AGBL1: variants seen among roughly 807,000 people sequenced by gnomAD.
AGBL1 encodes AGBL carboxypeptidase 1, also known as cytosolic carboxypeptidase 4.
Under a neutral mutation model 118.9 loss-of-function variants are expected in AGBL1, and 130 were observed. The observed-to-expected ratio is 1.09, with a 90% CI of 0.95 to 1.26. The LOEUF (loss-of-function observed/expected upper bound fraction) is 1.26. AGBL1 is among the 50% of genes most tolerant of loss of function. The probability of loss-of-function intolerance (pLI) is 0.00; values close to 1 mark genes in which losing one functional copy is unlikely to be tolerated. For synonymous variants in AGBL1, 555 were observed against 478.9 expected, an observed-to-expected ratio of 1.16 and a Z score of -2.08; for missense variants, 1,584 against 1,298.1, an observed-to-expected ratio of 1.22 and a Z score of -3.38.
intron 3 of AGBL1, among the ~76,000 whole-genome samples, chr15:86,151,076 T>C (rs1041096798): frequency 1.3e-5 from 2 of 151,668 alleles, no homozygotes; most frequent in Non-Finnish European, 2.9e-5. Flanking sequence ...CACCGCATAT[T>C]CTTACTCATA....
intron 17 of AGBL1, among the ~76,000 whole-genome samples, chr15:86,372,700 G>A (rs1470825999): frequency 6.6e-6 from 1 of 152,062 alleles, no homozygotes; most frequent in Non-Finnish European, 1.5e-5. Flanking sequence ...ACCAATACCT[G>A]AGAAACTGTT....
At chr15:86,462,532 C>T (rs1480332566) in intron 18 of AGBL1, among the ~76,000 whole-genome samples, 1 of 152,050 alleles carries the variant, frequency 6.6e-6, no homozygotes, top group African/African-American at 2.4e-5. Context: ...GTTTGCTGCA[C>T]CCATCAACTC....
chr15:86,769,665 A>G (rs1266468998), intron 22 of AGBL1, among the ~76,000 whole-genome samples: 1 of 152,034 alleles, frequency 6.6e-6, no homozygotes, highest in African/African-American at 2.4e-5. Context: ...ATCCCCATCG[A>G]CATTGGTAGC....
At chr15:86,422,686 A>T (rs1043154512) in intron 18 of AGBL1, among the ~76,000 whole-genome samples, 1 of 152,170 alleles carries the variant, frequency 6.6e-6, no homozygotes, top group Non-Finnish European at 1.5e-5. Context: ...AACAAAATAG[A>T]TAGACCACTA....
At chr15:86,785,243 G>A (rs979820948) in intron 22 of AGBL1, among the ~76,000 whole-genome samples, 10 of 151,888 alleles carry the variant, frequency 6.6e-5, no homozygotes, top group Non-Finnish European at 1.0e-4. Flanking sequence ...TGCAGGGAGA[G>A]AATCAAGGGG....
At chr15:86,655,773 T>C (rs990976762) in intron 21 of AGBL1, among the ~76,000 whole-genome samples, 1 of 152,152 alleles carries the variant, frequency 6.6e-6, no homozygotes, top group Non-Finnish European at 1.5e-5. Flanking sequence ...AGTGTACAAT[T>C]TGGATACATT....
chr15:86,507,231 C>G (rs58014403), intron 18 of AGBL1, among the ~76,000 whole-genome samples: 8,592 of 152,090 alleles, frequency 0.056, 843 homozygotes, highest in African/African-American at 0.2. Context: ...TGAAAAGAAT[C>G]AAGCTTACTT....
intron 1 of AGBL1, among the ~76,000 whole-genome samples, chr15:86,109,528 A>G (rs945832013): frequency 6.6e-6 from 1 of 152,232 alleles, no homozygotes; most frequent in Non-Finnish European, 1.5e-5. Context: ...AATAAGGATA[A>G]TTCAACCTCT....
chr15:86,884,189 G>A (rs918517070), intron 22 of AGBL1, among the ~76,000 whole-genome samples: 1 of 152,148 alleles, frequency 6.6e-6, no homozygotes, highest in South Asian at 2.1e-4. Context: ...TCCAACAAAG[G>A]TTACTTGAAC....
At chr15:86,464,050 A>G (rs1477750053) in intron 18 of AGBL1, among the ~76,000 whole-genome samples, 1 of 152,152 alleles carries the variant, frequency 6.6e-6, no homozygotes, top group Non-Finnish European at 1.5e-5. Flanking sequence ...CATTTTCACA[A>G]TATTGGTTCT....
chr15:86,168,637 T>C (rs902523408), intron 5 of AGBL1, among the ~76,000 whole-genome samples: 1 of 152,100 alleles, frequency 6.6e-6, no homozygotes, highest in Non-Finnish European at 1.5e-5. Context: ...CACACAAAAA[T>C]AGGTTAGGAA....
intron 22 of AGBL1, among the ~76,000 whole-genome samples, chr15:86,870,503 A>G (rs1259343303): frequency 7.3e-6 from 1 of 137,452 alleles, no homozygotes; most frequent in Non-Finnish European, 1.6e-5. Context: ...AAAAGAAGAA[A>G]CAAACACAGC....
intron 18 of AGBL1, among the ~76,000 whole-genome samples, chr15:86,495,124 C>T (rs556707371): frequency 2.6e-5 from 4 of 151,526 alleles, no homozygotes; most frequent in Non-Finnish European, 5.9e-5. Flanking sequence ...CTCTCTCTCT[C>T]GCTTTCTTTC....
At chr15:86,714,216 G>T (rs1226352617) in intron 22 of AGBL1, among the ~76,000 whole-genome samples, 2 of 152,186 alleles carry the variant, frequency 1.3e-5, no homozygotes, top group African/African-American at 4.8e-5. Flanking sequence ...CCCATGTGCC[G>T]TTAAGTTGCA....
Position 86,258,158 on chromosome 15 carries a change from T to C in AGBL1, c.969+127T>C, listed in dbSNP as rs536331587. On this transcript the variant is annotated intron_variant, in intron 9 of 22. Coordinates refer to ENST00000614907, the MANE Select transcript of AGBL1 (RefSeq NM_001386094.1). ...ACTGACTTTAGTACTGCCACTCCAGTGGTCGTGATGCGCAGTAAATGATAG... is the reference window on the plus strand; with the variant it reads ...ACTGACTTTAGTACTGCCACTCCAGCGGTCGTGATGCGCAGTAAATGATAG... 4 of 854,126 alleles carry C rather than the reference T, an allele frequency of 4.7e-6. No individual in the cohort carries two copies. In the South Asian group the frequency reaches 7.0e-5, roughly 15 times the overall value. The allele number at this position is 854,126 out of a possible 1,614,324, so 52.9% of individuals were successfully genotyped here.
chr15:86,778,375 A>T (rs1396319435), intron 22 of AGBL1, among the ~76,000 whole-genome samples: 1 of 152,188 alleles, frequency 6.6e-6, no homozygotes, highest in Non-Finnish European at 1.5e-5. Flanking sequence ...ACCAAAATTT[A>T]TTAGGCAGGA....
intron 23 of AGBL1, among the ~76,000 whole-genome samples, chr15:86,955,453 A>G (rs1415510756): frequency 6.6e-6 from 1 of 152,066 alleles, no homozygotes; most frequent in East Asian, 1.9e-4. Flanking sequence ...GATGGAAGAA[A>G]TAGAAATGAG....
At chr15:86,397,019 G>A (rs933788992) in intron 17 of AGBL1, among the ~76,000 whole-genome samples, 5 of 152,130 alleles carry the variant, frequency 3.3e-5, no homozygotes, top group Admixed American at 2.6e-4. Flanking sequence ...ACTTTCTTGA[G>A]TCTTGCAGAC....
intron 23 of AGBL1, among the ~76,000 whole-genome samples, chr15:86,976,630 T>G (rs1404702910): frequency 6.6e-6 from 1 of 152,038 alleles, no homozygotes; most frequent in African/African-American, 2.4e-5. Context: ...AAAGTAATTC[T>G]AAAGCTCTCT....
Sources: gnomAD v4.1 joint callset for allele counts (sites outside exome capture counted in the v4.1 genomes callset) on GRCh38, gnomAD v4.1.1 for gene constraint, MANE v1.5 for transcripts, NCBI Gene and HGNC (gene_info 2026-07-23, HGNC 2026-07-21) for gene names.